Variants in CERT1 observed in about 807,000 individuals in gnomAD.
CERT1 encodes ceramide transfer protein.
In CERT1, 31 loss-of-function variants were observed where a neutral mutation model predicts 87.9. The ratio of observed to expected loss-of-function variants is 0.35; its 90% CI spans 0.27 to 0.48. CERT1 has a LOEUF of 0.48. Among genes scored for constraint, CERT1 ranks in the 20% least tolerant of loss-of-function variants. The probability of loss-of-function intolerance (pLI) is 0.99; values close to 1 mark genes in which losing one functional copy is unlikely to be tolerated. For missense variants in CERT1, 487 were observed against 758.0 expected, an observed-to-expected ratio of 0.64 and a Z score of 4.20; for synonymous variants, 289 against 250.9, an observed-to-expected ratio of 1.15 and a Z score of -1.44.
At chr5:75,467,099 T>G (rs1289025170) in intron 2 of CERT1, among the ~76,000 whole-genome samples, 2 of 152,052 alleles carry the variant, frequency 1.3e-5, no homozygotes, top group Non-Finnish European at 2.9e-5. Flanking sequence ...GCCTAAACTG[T>G]GGTACAGAGA....
chr5:75,469,683 A>G (rs896530376), intron 2 of CERT1, among the ~76,000 whole-genome samples: 1 of 152,158 alleles, frequency 6.6e-6, no homozygotes, highest in Non-Finnish European at 1.5e-5. Context: ...TAAGAATAGA[A>G]AACAATTAGG....
At chr5:75,375,068 C>T (rs1761240603), downstream of CERT1, 1 of 177,746 alleles carries the variant, frequency 5.6e-6, no homozygotes, top group Non-Finnish European at 1.2e-5. Context: ...GGGGCACAGG[C>T]ACCTGAAAAA....
chr5:75,380,266 T>C (rs1669334205), intron 16 of CERT1, among the ~76,000 whole-genome samples: 1 of 152,016 alleles, frequency 6.6e-6, no homozygotes, highest in Non-Finnish European at 1.5e-5. Flanking sequence ...AACTAGCAAC[T>C]AATAAGGACT....
chr5:75,435,810 G>A (rs550698211), intron 3 of CERT1, among the ~76,000 whole-genome samples: 8 of 152,138 alleles, frequency 5.3e-5, no homozygotes, highest in Middle Eastern at 3.2e-3. Context: ...GGCATTCCCA[G>A]TCTGCTGGTA....
At chr5:75,493,258 C>G (rs1389085856) in intron 2 of CERT1, among the ~76,000 whole-genome samples, 1 of 152,146 alleles carries the variant, frequency 6.6e-6, no homozygotes, top group Admixed American at 6.5e-5. Context: ...AAATCTACAT[C>G]CTCATCAATT....
intron 17 of CERT1, chr5:75,369,799 CTA>C (rs1170032745): frequency 4.6e-5 from 7 of 152,274 alleles, no homozygotes; most frequent in Admixed American, 4.6e-4. Context: ...TCACAGAATT[CTA>C]TAGGAAGAGA....
rs1327676076 is a variant in CERT1 at position 75,413,524 on chromosome 5, A to AC, written c.838-2422dup. 3.3e-5 allele frequency among the ~76,000 whole-genome samples: 5 copies of AC among 152,172 alleles called. No homozygotes were observed. In the East Asian group the frequency reaches 9.6e-4, roughly 29 times the overall value. ...TTCAGGAGGCTGAGGCAGGAGGATCACCCGAGCCCTGGAGTTCAAGGCTGT... is the reference window on the plus strand; with the variant it reads ...TTCAGGAGGCTGAGGCAGGAGGATCACCCCGAGCCCTGGAGTTCAAGGCTGT... On this transcript the variant is annotated intron_variant, in intron 7 of 16. Transcript: ENST00000643780.
intron 8 of CERT1, among the ~76,000 whole-genome samples, chr5:75,403,390 T>C (rs1397793847): frequency 6.6e-6 from 1 of 152,272 alleles, no homozygotes; most frequent in Admixed American, 6.5e-5. Flanking sequence ...GCTAAGAATT[T>C]CATTTTTAAA....
At chr5:75,490,616 A>T (rs568060827) in intron 2 of CERT1, among the ~76,000 whole-genome samples, 133 of 151,974 alleles carry the variant, frequency 8.8e-4, no homozygotes, top group Non-Finnish European at 1.6e-3. Context: ...CTCCTGCCTC[A>T]GCCTCCCGAG....
intron 2 of CERT1, among the ~76,000 whole-genome samples, chr5:75,463,910 A>C (rs997996672): frequency 3.3e-5 from 5 of 152,120 alleles, no homozygotes; most frequent in African/African-American, 9.7e-5. Context: ...CACTTATGCC[A>C]GGTAAGAGTT....
chr5:75,463,098 A>G (rs1765308268), intron 2 of CERT1, among the ~76,000 whole-genome samples: 1 of 152,078 alleles, frequency 6.6e-6, no homozygotes, highest in Non-Finnish European at 1.5e-5. Context: ...TAAAGCAAAT[A>G]CTTTAGCTGG....
chr5:75,476,325 A>T (rs144706150), intron 2 of CERT1, among the ~76,000 whole-genome samples: 1 of 147,988 alleles, frequency 6.8e-6, no homozygotes, highest in African/African-American at 2.5e-5. Context: ...GGAAATTGTG[A>T]TTTTTTTTTT....
chr5:75,402,136 T>C (rs1762521319), intron 9 of CERT1: 1 of 152,132 alleles, frequency 6.6e-6, no homozygotes, highest in South Asian at 2.1e-4. Context: ...TGGGTGTAAC[T>C]GCTATACACT....
chr5:75,498,771 C>T (rs1232993065), intron 2 of CERT1, among the ~76,000 whole-genome samples: 2 of 152,132 alleles, frequency 1.3e-5, no homozygotes, highest in African/African-American at 2.4e-5. Flanking sequence ...GGGTTGAAGC[C>T]CCCCCACCCC....
chr5:75,375,622 T>C, downstream of CERT1: 1 of 138,230 alleles, frequency 7.2e-6, no homozygotes, highest in East Asian at 2.0e-4. Flanking sequence ...AATAAATAAA[T>C]AAATAAATAA....
chr5:75,464,300 C>A (rs1353731465), intron 2 of CERT1, among the ~76,000 whole-genome samples: 1 of 152,030 alleles, frequency 6.6e-6, no homozygotes, highest in Non-Finnish European at 1.5e-5. Context: ...TTAAAAGGTG[C>A]AACTAGACCC....
In CERT1 at chr5:75,379,238, T is replaced by A; in HGVS notation, c.*108A>T. 1 of 1,014,010 alleles carries A rather than the reference T, an allele frequency of 9.9e-7. No individual in the cohort carries two copies. The highest frequency in any genetic ancestry group is 1.6e-5 in the South Asian group (1 of 62,376). The allele number at this position is 1,014,010 out of a possible 1,614,324, so 62.8% of individuals were successfully genotyped here. On this transcript the variant is annotated 3_prime_UTR_variant, in exon 17 of 17. Transcript: ENST00000643780. The stretch of plus-strand genomic sequence containing the variant: ...CGAAACAATACTCTATAGGGGAACA[T>A]CAAAAAACATAGTAAATACTTTCAA...
At chr5:75,458,078 C>T (rs879670388) in intron 3 of CERT1, among the ~76,000 whole-genome samples, 11 of 151,862 alleles carry the variant, frequency 7.2e-5, no homozygotes, top group Non-Finnish European at 1.5e-5. Context: ...TAGGCAAGTA[C>T]GTAAACAAGC....
chr5:75,386,012 TCTTCTA>T lies in CERT1; in HGVS notation c.1301_1306del (p.Val434_Glu435del). 6.3e-7 allele frequency: 1 copy of T among 1,575,894 alleles called. No homozygotes were observed. Among genetic ancestry groups the T allele is most frequent in the Non-Finnish European group, 8.6e-7 (1 of 1,162,112 alleles). ...TAAAGGATCCAGAACAATCCCATTT[TCTTCTA>T]CTTCTCTTCTGTATACCTAAAGAGA... On this transcript the variant is annotated inframe_deletion, in exon 13 of 17. Coordinates refer to ENST00000643780, the MANE Select transcript of CERT1 (RefSeq NM_001379029.1).
Sources: gnomAD v4.1 joint callset for allele counts (sites outside exome capture counted in the v4.1 genomes callset) on GRCh38, gnomAD v4.1.1 for gene constraint, MANE v1.5 for transcripts, NCBI Gene and HGNC (gene_info 2026-07-23, HGNC 2026-07-21) for gene names.